The following TMEM132D variants were observed in gnomAD, a reference collection of about 807,000 sequenced individuals.
TMEM132D encodes the protein transmembrane protein 132D, also known as mature OL transmembrane protein.
In TMEM132D, 21 loss-of-function variants were observed where a neutral mutation model predicts 62.3. The ratio of observed to expected loss-of-function variants is 0.34; its 90% CI spans 0.24 to 0.49. TMEM132D has a LOEUF of 0.49. Among genes scored for constraint, TMEM132D ranks in the 20% least tolerant of loss-of-function variants. The probability of loss-of-function intolerance (pLI) is 0.99; values close to 1 mark genes in which losing one functional copy is unlikely to be tolerated. For synonymous variants in TMEM132D, 621 were observed against 575.6 expected (o/e 1.08, Z -1.13); for missense variants, 1,346 against 1,402.8 (o/e 0.96, Z 0.65).
chr12:129,265,854 C>T (rs984177435), intron 4 of TMEM132D, among the ~76,000 whole-genome samples: 1 of 152,094 alleles, frequency 6.6e-6, no homozygotes, highest in African/African-American at 2.4e-5. Flanking sequence ...ACAGCTGTCC[C>T]TCTTACAATC....
chr12:129,865,347 GGGA>G (rs1250302131), intron 1 of TMEM132D, among the ~76,000 whole-genome samples: 3 of 152,244 alleles, frequency 2.0e-5, no homozygotes, highest in Non-Finnish European at 4.4e-5. Context: ...GAGAGCAGAA[GGGA>G]GAATACCAGG....
chr12:129,661,316 G>T (rs1355590097), intron 2 of TMEM132D, among the ~76,000 whole-genome samples: 1 of 152,218 alleles, frequency 6.6e-6, no homozygotes, highest in East Asian at 1.9e-4. Context: ...AATGGTAGTG[G>T]TTGACTCCTG....
intron 5 of TMEM132D, among the ~76,000 whole-genome samples, chr12:129,196,090 G>A (rs1446091971): frequency 1.3e-5 from 2 of 151,964 alleles, no homozygotes; most frequent in Admixed American, 1.3e-4. Flanking sequence ...TGGCGCCACT[G>A]CACTCCAACC....
chr12:129,117,087 G>A (rs543095366), intron 5 of TMEM132D, among the ~76,000 whole-genome samples: 163 of 152,208 alleles, frequency 1.1e-3, no homozygotes, highest in African/African-American at 3.8e-3. Context: ...AAAAGGAAAT[G>A]AATTGTTAAA....
rs140587760 is a variant in TMEM132D at position 129,716,011 on chromosome 12, C to A, written c.80-15313G>T. 3.3e-5 allele frequency among the ~76,000 whole-genome samples: 5 copies of A among 152,308 alleles called. 1 individual carries two copies. The Middle Eastern group carries it at 0.014, about 414-fold the overall frequency. On this transcript the variant is annotated intron_variant, in intron 1 of 8. Coordinates refer to ENST00000422113, the MANE Select transcript of TMEM132D (RefSeq NM_133448.3). Reference sequence around the variant, plus strand: ...GGAGGCTGTAGACGATCAACCTAAACAAAAGTCCTCTGAAAAACTGGACCA... The same window carrying A: ...GGAGGCTGTAGACGATCAACCTAAAAAAAAGTCCTCTGAAAAACTGGACCA...
intron 1 of TMEM132D, among the ~76,000 whole-genome samples, chr12:129,785,227 G>A (rs1238521224): frequency 1.3e-5 from 2 of 152,086 alleles, no homozygotes; most frequent in African/African-American, 4.8e-5. Flanking sequence ...GGCCTTCAGG[G>A]AGCTCCCAGC....
At chr12:129,752,602 C>T (rs192096763) in intron 1 of TMEM132D, among the ~76,000 whole-genome samples, 11 of 152,286 alleles carry the variant, frequency 7.2e-5, no homozygotes, top group East Asian at 1.9e-4. Flanking sequence ...ACTGTCTAGC[C>T]GCATGCAAGA....
chr12:129,537,290 C>A (rs552409783), intron 2 of TMEM132D, among the ~76,000 whole-genome samples: 1 of 152,012 alleles, frequency 6.6e-6, no homozygotes, highest in Admixed American at 6.5e-5. Flanking sequence ...ACATTTTAAA[C>A]CTTGAGACTA....
At chr12:129,756,626 A>G (rs115085176) in intron 1 of TMEM132D, among the ~76,000 whole-genome samples, 1,954 of 152,324 alleles carry the variant, frequency 0.013, 44 homozygotes, top group African/African-American at 0.045. Context: ...AACGTATGTG[A>G]ACATGCCAAA....
chr12:129,270,778 A>C (rs970212679), intron 4 of TMEM132D, among the ~76,000 whole-genome samples: 3 of 152,254 alleles, frequency 2.0e-5, no homozygotes, highest in African/African-American at 7.2e-5. Context: ...CATTAACAAA[A>C]GGCTGTGGTG....
chr12:129,362,108 C>T (rs558520878), intron 3 of TMEM132D, among the ~76,000 whole-genome samples: 37 of 152,272 alleles, frequency 2.4e-4, no homozygotes, highest in Middle Eastern at 3.4e-3. Context: ...CTCTTGTTTA[C>T]GATAAAATAC....
intron 3 of TMEM132D, among the ~76,000 whole-genome samples, chr12:129,460,703 A>G (rs1357138706): frequency 6.6e-6 from 1 of 152,210 alleles, no homozygotes; most frequent in Non-Finnish European, 1.5e-5. Context: ...GACGATGACC[A>G]GGGATGGATC....
rs1384456587 is a variant in TMEM132D at position 129,277,482 on chromosome 12, A to G, written c.1299+60152T>C. ...TTGAATGCTTGTACAAATGATTTTTAAAATTCTTTATCCCTTACTCATTGC... is the reference window on the plus strand; with the variant it reads ...TTGAATGCTTGTACAAATGATTTTTGAAATTCTTTATCCCTTACTCATTGC... On this transcript the variant is annotated intron_variant, in intron 4 of 8. Transcript: ENST00000422113. This position sits in a 1 kb window ranked among gnomAD's most constrained non-coding sequence, Gnocchi z 4.2. 6.6e-6 allele frequency among the ~76,000 whole-genome samples: 1 copy of G among 152,240 alleles called. No individual in the cohort carries two copies. The highest frequency in any genetic ancestry group is 1.5e-5 in the Non-Finnish European group (1 of 68,042).
Position 129,457,009 on chromosome 12 carries a change from G to A in TMEM132D, c.1115+74050C>T, listed in dbSNP as rs555148802. 1.6e-4 allele frequency among the ~76,000 whole-genome samples: 25 copies of A among 151,990 alleles called. No homozygotes were observed. The East Asian group carries it at 1.8e-3, about 11-fold the overall frequency. On this transcript the variant is annotated intron_variant, in intron 3 of 8. Coordinates refer to ENST00000422113, the MANE Select transcript of TMEM132D (RefSeq NM_133448.3). ...TGTTGGTGGGACTGTAAACTAGTTC[G>A]ACCATTGTGGAAGTCAGTGTGGCGA...
In TMEM132D at chr12:129,320,977, C is replaced by CTACCTATCTATCTATCTATCTAT. The variant is rs556983732; in HGVS notation, c.1299+16656_1299+16657insATAGATAGATAGATAGATAGGTA. On this transcript the variant is annotated intron_variant, in intron 4 of 8. Coordinates refer to ENST00000422113, the MANE Select transcript of TMEM132D (RefSeq NM_133448.3). ...TTATTTATACAAATCTATCTATCTA[C>CTACCTATCTATCTATCTATCTAT]CTACCTACCTACCTACCTACCTGTC... Among the ~76,000 whole-genome samples, 444 of 150,294 alleles carry CTACCTATCTATCTATCTATCTAT rather than the reference C, an allele frequency of 3.0e-3. 3 individuals carry two copies. Among genetic ancestry groups the CTACCTATCTATCTATCTATCTAT allele is most frequent in the African/African-American group, 0.01 (421 of 40,370 alleles).
chr12:129,567,573 G>A (rs891379847), intron 2 of TMEM132D, among the ~76,000 whole-genome samples: 1 of 152,116 alleles, frequency 6.6e-6, no homozygotes. Context: ...GGATGCAAAA[G>A]CAGATATGAG....
chr12:129,303,612 G>A (rs1205152554), intron 4 of TMEM132D, among the ~76,000 whole-genome samples: 2 of 151,452 alleles, frequency 1.3e-5, no homozygotes, highest in African/African-American at 2.4e-5. Context: ...ATCATCACTC[G>A]CCGGGACTCT....
chr12:129,603,050 A>G (rs990237992), intron 2 of TMEM132D, among the ~76,000 whole-genome samples: 2 of 152,144 alleles, frequency 1.3e-5, no homozygotes, highest in African/African-American at 2.4e-5. Flanking sequence ...CGCACAACAC[A>G]TGGGGATTAT....
intron 1 of TMEM132D, among the ~76,000 whole-genome samples, chr12:129,753,562 A>G (rs757114855): frequency 5.3e-5 from 8 of 152,234 alleles, no homozygotes; most frequent in Non-Finnish European, 5.9e-5. Context: ...AAATAATTTA[A>G]AATGCTTTTC....
Sources: allele counts gnomAD v4.1 joint callset (sites outside exome capture counted in the v4.1 genomes callset), GRCh38; gene constraint gnomAD v4.1.1; non-coding constraint Gnocchi (gnomAD v3.1); transcripts MANE v1.5; gene names NCBI Gene and HGNC (gene_info 2026-07-23, HGNC 2026-07-21).